WWC2: variants seen among roughly 807,000 people sequenced by gnomAD.
WWC2 encodes WW and C2 domain containing 2.
In WWC2, 101 loss-of-function variants were observed where a neutral mutation model predicts 138.5. The ratio of observed to expected loss-of-function variants is 0.73; its 90% confidence interval spans 0.62 to 0.86. The LOEUF (loss-of-function observed/expected upper bound fraction) is 0.86, where lower values mean the gene tolerates loss of function less well. WWC2 is among the 40% of genes least tolerant of loss of function. The pLI is 0.00. For missense variants in WWC2, 1,420 were observed against 1,419.4 expected (o/e 1.00, Z -0.01); for synonymous variants, 558 against 538.4 (o/e 1.04, Z -0.50).
Position 183,122,665 on chromosome 4 carries a change from A to C in WWC2, c.131+23043A>C, listed in dbSNP as rs527314071. On this transcript the variant is annotated intron_variant, in intron 1 of 22. Coordinates refer to ENST00000403733, the MANE Select transcript of WWC2 (RefSeq NM_024949.6). ...CTCCTGAGTAGCTGGGATTACAGGC[A>C]TGCACCACCACCCCTAGCTAATTTT... Among the ~76,000 whole-genome samples, 6 of 152,186 alleles carry C rather than the reference A, an allele frequency of 3.9e-5. No homozygotes were observed. The South Asian group carries it at 1.0e-3, about 26-fold the overall frequency.
chr4:183,249,796 G>C (rs976993441), intron 7 of WWC2, 124 bp from the exon 8 acceptor site: 1 of 696,510 alleles, frequency 1.4e-6, no homozygotes, highest in Non-Finnish European at 2.4e-6. Context: ...TAAAATTGGT[G>C]TTTCCCGATT....
Position 183,228,789 on chromosome 4 carries a change from CTAGAG to C in WWC2, c.523-11387_523-11383del, listed in dbSNP as rs936118523. ...ACACCTGCTACCATGCAGCTCCACC[CTAGAG>C]TAGAGTGTTTGTAGTGTGTAGCCTG... is the stretch of plus-strand genomic sequence containing the variant. On this transcript the variant is annotated intron_variant, in intron 4 of 22. Transcript: ENST00000403733. Among the ~76,000 whole-genome samples the C allele has an allele frequency of 2.2e-4, 33 of 152,056 alleles. 1 individual carries two copies. Among genetic ancestry groups the C allele is most frequent in the African/African-American group, 5.6e-4 (23 of 41,318 alleles).
intron 1 of WWC2, among the ~76,000 whole-genome samples, chr4:183,142,764 G>A (rs564419916): frequency 3.3e-5 from 5 of 152,232 alleles, no homozygotes; most frequent in Non-Finnish European, 7.3e-5. Flanking sequence ...GCCATGTGGC[G>A]TATGTTCTGG....
chr4:183,119,390 C>CT (rs1481026543), intron 1 of WWC2, among the ~76,000 whole-genome samples: 2 of 152,104 alleles, frequency 1.3e-5, no homozygotes, highest in Non-Finnish European at 2.9e-5. Flanking sequence ...AAGAGATGCC[C>CT]TTTGTCCTCT....
chr4:183,129,606 T>C (rs1271797748), intron 1 of WWC2, among the ~76,000 whole-genome samples: 3 of 152,224 alleles, frequency 2.0e-5, no homozygotes, highest in Non-Finnish European at 4.4e-5. Flanking sequence ...AAGTGGTATG[T>C]TTCTTATCAC....
chr4:183,135,367 G>T (rs1733077095), intron 1 of WWC2, among the ~76,000 whole-genome samples: 1 of 151,738 alleles, frequency 6.6e-6, no homozygotes, highest in African/African-American at 2.4e-5. Context: ...CTCTCTACTA[G>T]CTTAGAGGTT....
At chr4:183,283,038 A>G (rs1261682194) in intron 18 of WWC2, 132 bp downstream of exon 18, 2 of 853,678 alleles carry the variant, frequency 2.3e-6, no homozygotes, top group Admixed American at 3.1e-5. Flanking sequence ...CGTGAAAGGC[A>G]TATGTGGGAA....
intron 1 of WWC2, among the ~76,000 whole-genome samples, chr4:183,106,342 A>T (rs1368889153): frequency 6.6e-6 from 1 of 152,200 alleles, no homozygotes; most frequent in Non-Finnish European, 1.5e-5. Context: ...CAAATGATTT[A>T]TCAAAATATA....
intron 20 of WWC2, 32 bp from the exon 21 acceptor site, chr4:183,289,361 G>C: frequency 1.9e-6 from 3 of 1,600,062 alleles, no homozygotes; most frequent in Non-Finnish European, 2.6e-6. Flanking sequence ...TGTATAACCA[G>C]GGTGTTCGTC....
At chr4:183,219,549 C>T (rs561220781) in intron 4 of WWC2, among the ~76,000 whole-genome samples, 9 of 152,030 alleles carry the variant, frequency 5.9e-5, no homozygotes, top group Non-Finnish European at 1.2e-4. Context: ...AATAAAAATG[C>T]CTATTTAAAC....
At chr4:183,274,900 A>G (rs535758474) in intron 16 of WWC2, among the ~76,000 whole-genome samples, 1 of 152,310 alleles carries the variant, frequency 6.6e-6, no homozygotes, top group South Asian at 2.1e-4. Context: ...ATCACCTGAA[A>G]CATTTATCAT....
intron 1 of WWC2, among the ~76,000 whole-genome samples, chr4:183,117,915 C>T (rs911050155): frequency 6.6e-6 from 1 of 152,126 alleles, no homozygotes; most frequent in Non-Finnish European, 1.5e-5. Context: ...ATTCTCCTGC[C>T]TCTGCCCCCC....
intron 1 of WWC2, among the ~76,000 whole-genome samples, chr4:183,161,291 C>T (rs541309594): frequency 2.0e-5 from 3 of 152,148 alleles, no homozygotes; most frequent in Admixed American, 1.3e-4. Context: ...ATTAATCCAG[C>T]CAGTGAACCA....
At chr4:183,162,733 C>T (rs1733998272) in intron 1 of WWC2, among the ~76,000 whole-genome samples, 1 of 152,094 alleles carries the variant, frequency 6.6e-6, no homozygotes, top group Admixed American at 6.5e-5. Context: ...TACCCCATTC[C>T]TTCTTCCCAC....
At position 183,168,050 on chromosome 4, in the gene WWC2, G is replaced by T. The variant is rs576262826; in HGVS notation, c.132-25549G>T. Among the ~76,000 whole-genome samples, 107 of 151,928 alleles carry T rather than the reference G, an allele frequency of 7.0e-4. 2 individuals are homozygous for T. The South Asian group carries it at 0.022, about 31-fold the overall frequency. ...TTTTTGTATTTTTAGTAGAGACAGG[G>T]TTTCTCCATGTTGGCCAGGATGGTC... On this transcript the variant is annotated intron_variant, in intron 1 of 22. Transcript: ENST00000403733.
chr4:183,277,512 GGTCAA>G (rs1226186701), intron 16 of WWC2, among the ~76,000 whole-genome samples: 1 of 149,658 alleles, frequency 6.7e-6, no homozygotes, highest in Non-Finnish European at 1.5e-5. Flanking sequence ...GGGATGGCTG[GGTCAA>G]ATGGTATTTC....
chr4:183,208,994 T>G lies in WWC2; in HGVS notation c.491T>G (p.Leu164Ter). Residue 164 changes from leucine to a stop codon, truncating the protein, a stop_gained, in exon 4 of 23, where the codon TTA (leucine) becomes TGA (stop). Coordinates refer to ENST00000403733, the MANE Select transcript of WWC2 (RefSeq NM_024949.6). LOFTEE classifies it high-confidence loss of function. ...SSSTKYDPDI[L>*]KAEISTTRLR... ...AGTACTAAATATGATCCCGATATTT[T>G]AAAAGCTGAGATCTCCACTACAAGA... The G allele has an allele frequency of 6.4e-7, 1 of 1,572,802 alleles. No individual in the cohort carries two copies.
Position 183,122,191 on chromosome 4 carries a change from G to A in WWC2, c.131+22569G>A, listed in dbSNP as rs181268146. ...TTTATAAATGTTATTTATGTATTAG[G>A]CAAATTATAAAATCAGTGGGGCAAG... On this transcript the variant is annotated intron_variant, in intron 1 of 22. Transcript: ENST00000403733. Among the ~76,000 whole-genome samples the A allele has an allele frequency of 9.7e-4, 148 of 152,116 alleles. 1 individual carries two copies. The East Asian group carries it at 0.017, about 17-fold the overall frequency.
intron 4 of WWC2, among the ~76,000 whole-genome samples, chr4:183,233,270 C>T (rs1736314112): frequency 1.3e-5 from 2 of 148,490 alleles, no homozygotes; most frequent in South Asian, 4.3e-4. Flanking sequence ...GATTGTCCTG[C>T]CTCTGCCTCC....
Sources: allele counts gnomAD v4.1 joint callset (sites outside exome capture counted in the v4.1 genomes callset), GRCh38; gene constraint gnomAD v4.1.1; transcripts MANE v1.5; gene names NCBI Gene and HGNC (gene_info 2026-07-23, HGNC 2026-07-21).